Variants in PPP2R2B observed in about 807,000 individuals in gnomAD.
PPP2R2B encodes the protein protein phosphatase 2 regulatory subunit Bbeta, also known as serine/threonine-protein phosphatase 2A 55 kDa regulatory subunit B beta isoform.
A neutral mutation model predicts 46.0 loss-of-function variants in PPP2R2B; 5 were observed. The ratio of observed to expected loss-of-function variants is 0.11; its 90% CI spans 0.06 to 0.23. The LOEUF (loss-of-function observed/expected upper bound fraction) is 0.23. Ranked by LOEUF, PPP2R2B falls within the 10% of genes least tolerant of loss-of-function variation. The pLI is 1.00. For missense variants in PPP2R2B, 367 were observed against 575.0 expected (o/e 0.64, Z 3.70); for synonymous variants, 215 against 206.7 (o/e 1.04, Z -0.34).
At chr5:146,689,577 C>A (rs1235104435) in intron 5 of PPP2R2B, among the ~76,000 whole-genome samples, 3 of 152,160 alleles carry the variant, frequency 2.0e-5, no homozygotes, top group Non-Finnish European at 2.9e-5. Context: ...AATGAAGTCA[C>A]CCAATGATGC....
intron 2 of PPP2R2B, among the ~76,000 whole-genome samples, chr5:146,865,068 T>C (rs536288145): frequency 6.6e-6 from 1 of 152,296 alleles, no homozygotes; most frequent in South Asian, 2.1e-4. Flanking sequence ...GTCTATAACA[T>C]AACCAAATAC....
chr5:146,709,112 T>C (rs879252122), intron 2 of PPP2R2B, among the ~76,000 whole-genome samples: 2 of 152,252 alleles, frequency 1.3e-5, no homozygotes, highest in Admixed American at 1.3e-4. Context: ...ATTTGGATAC[T>C]GAATATTCTT....
intron 2 of PPP2R2B, among the ~76,000 whole-genome samples, chr5:146,861,955 CAT>C (rs1182348470): frequency 4.6e-5 from 7 of 151,148 alleles, no homozygotes; most frequent in African/African-American, 1.7e-4. Flanking sequence ...TGTAATAACT[CAT>C]ATAATATGAA....
intron 2 of PPP2R2B, among the ~76,000 whole-genome samples, chr5:146,812,791 G>A (rs249899): frequency 0.26 from 2,567 of 9,872 alleles, 633 homozygotes; most frequent in East Asian, 0.66. Context: ...GTGTATATGT[G>A]TGTATATATA....
chr5:146,648,168 T>C (rs1775711235), intron 6 of PPP2R2B, among the ~76,000 whole-genome samples: 2 of 152,124 alleles, frequency 1.3e-5, no homozygotes, highest in African/African-American at 4.8e-5. Context: ...AATGCATACT[T>C]TTTTAGGGCA....
intron 2 of PPP2R2B, among the ~76,000 whole-genome samples, chr5:146,843,424 A>G (rs1759790804): frequency 2.0e-5 from 3 of 152,222 alleles, no homozygotes; most frequent in South Asian, 2.1e-4. Flanking sequence ...GTGATAGAGT[A>G]GATAAGGTTT....
intron 2 of PPP2R2B, among the ~76,000 whole-genome samples, chr5:146,791,338 A>G (rs1382405172): frequency 2.0e-5 from 3 of 151,972 alleles, no homozygotes; most frequent in African/African-American, 7.3e-5. Context: ...TTCAGTGTCG[A>G]TCCCCCCTTT....
intron 2 of PPP2R2B, among the ~76,000 whole-genome samples, chr5:146,789,318 CT>C (rs1470130426): frequency 7.2e-5 from 11 of 152,146 alleles, no homozygotes; most frequent in African/African-American, 2.2e-4. Context: ...CCCTTTCAGT[CT>C]CTCCATAAAA....
intron 7 of PPP2R2B, chr5:146,616,903 G>A (rs1409117175): frequency 6.6e-6 from 1 of 152,198 alleles, no homozygotes; most frequent in Non-Finnish European, 1.5e-5. Flanking sequence ...TCAGTATACT[G>A]AAGAAGTATT....
At chr5:147,055,823 C>T in exon 1 of PPP2R2B, 4 of 1,534,520 alleles carry the variant, frequency 2.6e-6, no homozygotes, top group Non-Finnish European at 3.5e-6. Flanking sequence ...TTTAAGCTGG[C>T]TACATCACCA....
intron 1 of PPP2R2B, among the ~76,000 whole-genome samples, chr5:146,989,455 A>G (rs1753586178): frequency 1.3e-5 from 2 of 152,138 alleles, no homozygotes. Flanking sequence ...TATGAAAATC[A>G]ATAAGTATGA....
intron 7 of PPP2R2B, among the ~76,000 whole-genome samples, chr5:146,626,207 C>T (rs1774055155): frequency 6.7e-6 from 1 of 149,780 alleles, no homozygotes; most frequent in Non-Finnish European, 1.5e-5. Flanking sequence ...ACTTTGATTT[C>T]ACTGTGGAGG....
chr5:146,985,241 G>A (rs187463576), intron 1 of PPP2R2B, among the ~76,000 whole-genome samples: 3 of 151,896 alleles, frequency 2.0e-5, no homozygotes, highest in East Asian at 1.9e-4. Context: ...GGCTGGTCTC[G>A]AACTCCTGAT....
chr5:146,686,596 T>C (rs1410711493), intron 5 of PPP2R2B, among the ~76,000 whole-genome samples: 1 of 151,474 alleles, frequency 6.6e-6, no homozygotes, highest in Non-Finnish European at 1.5e-5. Context: ...CATGTTTGAA[T>C]AAAATCCATT....
At chr5:146,600,169 T>C in intron 8 of PPP2R2B, 122 bp downstream of exon 8, 1 of 1,017,202 alleles carries the variant, frequency 9.8e-7, no homozygotes. Context: ...ACCATTTTAC[T>C]GAATGTATCA....
intron 2 of PPP2R2B, among the ~76,000 whole-genome samples, chr5:146,854,700 C>A (rs1582275668): frequency 6.6e-6 from 1 of 152,148 alleles, no homozygotes; most frequent in Admixed American, 6.6e-5. Context: ...ACACACTCAC[C>A]TTGTACCTCA....
At chr5:146,858,263 A>G (rs571493994) in intron 2 of PPP2R2B, among the ~76,000 whole-genome samples, 23 of 152,228 alleles carry the variant, frequency 1.5e-4, no homozygotes, top group African/African-American at 5.5e-4. Flanking sequence ...ATATAATTCT[A>G]AACTCTAGGG....
intron 2 of PPP2R2B, among the ~76,000 whole-genome samples, chr5:147,079,469 T>TATATATATATATATATATATATAC (rs1491141938): frequency 7.2e-6 from 1 of 139,050 alleles, no homozygotes; most frequent in African/African-American, 2.7e-5. Context: ...TATATATATA[T>TATATATATATATATATATATATAC]ACATGTGCAA....
At chr5:146,944,907 A>G (rs1764431454) in intron 1 of PPP2R2B, among the ~76,000 whole-genome samples, 1 of 152,128 alleles carries the variant, frequency 6.6e-6, no homozygotes, top group Non-Finnish European at 1.5e-5. Context: ...GGTATGGCAA[A>G]TTAGTGATTA....
Sources: allele counts gnomAD v4.1 joint callset (sites outside exome capture counted in the v4.1 genomes callset), GRCh38; gene constraint gnomAD v4.1.1; transcripts MANE v1.5; gene names NCBI Gene and HGNC (gene_info 2026-07-23, HGNC 2026-07-21).